The following DRC8 variants were observed in gnomAD, a reference collection of about 807,000 sequenced individuals.
The protein encoded by DRC8 is dynein regulatory complex protein 8.
At chr1:245,006,854 A>T in the DRC8 span, among the ~76,000 whole-genome samples, 15 of 151,986 alleles carry the variant, frequency 9.9e-5, no homozygotes, top group Non-Finnish European at 1.9e-4. Flanking sequence ...GGATCGCTTG[A>T]ACCCAGGAGG....
chr1:245,020,729 C>T, the DRC8 span, among the ~76,000 whole-genome samples: 1 of 149,902 alleles, frequency 6.7e-6, no homozygotes, highest in African/African-American at 2.5e-5. Flanking sequence ...AAGCAATTCT[C>T]CTGCATCAGC....
chr1:245,102,330 C>CTTTATTTATTTATTTA, the DRC8 span, among the ~76,000 whole-genome samples: 77 of 147,488 alleles, frequency 5.2e-4, no homozygotes, highest in African/African-American at 1.7e-3. Flanking sequence ...TCATTAGGAA[C>CTTTATTTATTTATTTA]TTTATTTATT....
the DRC8 span, among the ~76,000 whole-genome samples, chr1:245,014,075 G>C: frequency 7.7e-6 from 1 of 129,392 alleles, no homozygotes; most frequent in South Asian, 2.8e-4. Context: ...AAAAAGAAAA[G>C]AGTAGTTAAC....
the DRC8 span, among the ~76,000 whole-genome samples, chr1:244,983,081 C>T: frequency 3.3e-5 from 5 of 152,166 alleles, no homozygotes; most frequent in African/African-American, 1.2e-4. Flanking sequence ...AGAAGAAAAT[C>T]ATCTGGAAAG....
the DRC8 span, among the ~76,000 whole-genome samples, chr1:244,987,082 TG>T: frequency 6.6e-6 from 1 of 152,204 alleles, no homozygotes; most frequent in East Asian, 1.9e-4. Context: ...TTACTATAGC[TG>T]GTCTGTTTTC....
the DRC8 span, among the ~76,000 whole-genome samples, chr1:244,992,541 C>A: frequency 2.0e-5 from 3 of 152,092 alleles, no homozygotes; most frequent in Admixed American, 6.6e-5. Flanking sequence ...GAGTTTGAGA[C>A]CAGCTTGGCC....
chr1:244,973,696 T>A, the DRC8 span, among the ~76,000 whole-genome samples: 1 of 152,202 alleles, frequency 6.6e-6, no homozygotes, highest in Non-Finnish European at 1.5e-5. Context: ...AAAACCTCAT[T>A]GTAGAAATAC....
chr1:245,052,620 G>C, the DRC8 span, among the ~76,000 whole-genome samples: 3 of 152,256 alleles, frequency 2.0e-5, no homozygotes, highest in Admixed American at 2.0e-4. Flanking sequence ...AGGCAAGGGA[G>C]CCTGGCACAG....
At chr1:244,976,431 G>A in the DRC8 span, among the ~76,000 whole-genome samples, 2 of 152,040 alleles carry the variant, frequency 1.3e-5, no homozygotes. Flanking sequence ...CAAACAAGAA[G>A]ACTAGCTTTT....
the DRC8 span, among the ~76,000 whole-genome samples, chr1:245,029,096 G>A: frequency 1.3e-5 from 2 of 152,214 alleles, no homozygotes; most frequent in Non-Finnish European, 2.9e-5. Flanking sequence ...CATCACAAAG[G>A]GCATGGGGTC....
At chr1:245,117,969 A>G in the DRC8 span, among the ~76,000 whole-genome samples, 4 of 152,046 alleles carry the variant, frequency 2.6e-5, no homozygotes, top group African/African-American at 7.2e-5. Context: ...CTCTGTCTCC[A>G]ATAAATAAAT....
the DRC8 span, among the ~76,000 whole-genome samples, chr1:245,072,617 C>G: frequency 1.3e-5 from 2 of 152,138 alleles, no homozygotes; most frequent in Non-Finnish European, 2.9e-5. Context: ...TTGTCCACAC[C>G]CATTGAATGT....
At chr1:244,970,280 C>T in the DRC8 span, 3 of 741,198 alleles carry the variant, frequency 4.0e-6, no homozygotes, top group East Asian at 2.9e-5. Context: ...CCGCCCCGCC[C>T]CGCCCAAGGG....
At chr1:245,051,991 C>T in the DRC8 span, among the ~76,000 whole-genome samples, 2 of 152,082 alleles carry the variant, frequency 1.3e-5, no homozygotes, top group Non-Finnish European at 2.9e-5. Context: ...ACCCAGTGAT[C>T]GTGCAGTTCA....
the DRC8 span, among the ~76,000 whole-genome samples, chr1:245,038,219 C>T: frequency 6.6e-6 from 1 of 152,078 alleles, no homozygotes; most frequent in Non-Finnish European, 1.5e-5. Flanking sequence ...ACCTGTAATC[C>T]CAGCACTTTG....
chr1:245,080,140 T>C, the DRC8 span, among the ~76,000 whole-genome samples: 1 of 152,196 alleles, frequency 6.6e-6, no homozygotes, highest in Non-Finnish European at 1.5e-5. Context: ...CTATAGTTTT[T>C]CGTTTGTTTG....
the DRC8 span, among the ~76,000 whole-genome samples, chr1:245,015,023 G>A: frequency 1.3e-5 from 2 of 152,072 alleles, no homozygotes. Context: ...ACTATTGGGT[G>A]GTATTATATT....
At chr1:244,976,473 TA>T in the DRC8 span, among the ~76,000 whole-genome samples, 10 of 151,668 alleles carry the variant, frequency 6.6e-5, no homozygotes, top group African/African-American at 2.2e-4. Flanking sequence ...TTATTCAGAA[TA>T]AAAAAAAATT....
At chr1:245,105,638 A>C in the DRC8 span, among the ~76,000 whole-genome samples, 3,418 of 150,394 alleles carry the variant, frequency 0.023, 140 homozygotes, top group East Asian at 0.14. Context: ...AAAAAAAAAA[A>C]CAAAAAACAA....
Sources: allele counts gnomAD v4.1 joint callset (sites outside exome capture counted in the v4.1 genomes callset), GRCh38; gene constraint gnomAD v4.1.1; transcripts MANE v1.5; gene names NCBI Gene and HGNC (gene_info 2026-07-23, HGNC 2026-07-21).